Variants in ASB4 observed in about 807,000 individuals in gnomAD.
ASB4 encodes the protein ankyrin repeat and SOCS box protein 4.
Under a neutral mutation model 38.6 loss-of-function variants are expected in ASB4, and 35 were observed. The ratio of observed to expected loss-of-function variants is 0.91; its 90% CI spans 0.69 to 1.20. The LOEUF is 1.20. ASB4 is among the 50% of genes most tolerant of loss of function. ASB4 has a pLI of 0.00. For synonymous variants in ASB4, 195 were observed against 201.3 expected (o/e 0.97, Z 0.26); for missense variants, 557 against 527.2 (o/e 1.06, Z -0.55).
rs549653650 is a variant in ASB4 at position 95,540,204 on chromosome 7, A to G, written c.*2445A>G. On this transcript the variant is annotated 3_prime_UTR_variant, in exon 5 of 5. Transcript: ENST00000325885. Reference sequence around the variant, plus strand: ...TTATCTTTGAACTTTTATTTAGAGAACTTAAATAAAGCTCTTCTGTCTCCT... The same window carrying G: ...TTATCTTTGAACTTTTATTTAGAGAGCTTAAATAAAGCTCTTCTGTCTCCT... 1 of 152,296 alleles carries G rather than the reference A, an allele frequency of 6.6e-6. No homozygotes were observed. The highest frequency in any genetic ancestry group is 1.9e-4 in the East Asian group (1 of 5,180). The allele number at this position is 152,296 out of a possible 1,614,324, so 9.4% of individuals were successfully genotyped here.
intron 3 of ASB4, among the ~76,000 whole-genome samples, chr7:95,531,562 C>A (rs900030294): frequency 1.1e-4 from 17 of 152,134 alleles, no homozygotes; most frequent in African/African-American, 3.9e-4. Flanking sequence ...GCATGGTAAC[C>A]ATTAAACAAA....
rs1790086967 is a variant in ASB4 at position 95,486,127 on chromosome 7, T to C, written c.156T>C (p.Asp52=). Reference sequence around the variant, plus strand: ...TGGACACTGTTTTTGAAGTCGAAGATGAGAATATGGTTTTGGCATCTTATA... The same window carrying C: ...TGGACACTGTTTTTGAAGTCGAAGACGAGAATATGGTTTTGGCATCTTATA... ...IDVDTVFEVE[D]ENMVLASYKQ... Residue 52 remains aspartate (D), a synonymous_variant, in exon 1 of 5, where the codon GAT becomes GAC. Transcript: ENST00000325885. 1.9e-6 allele frequency: 3 copies of C among 1,613,940 alleles called. No homozygotes were observed. The highest frequency in any genetic ancestry group is 2.5e-6 in the Non-Finnish European group (3 of 1,179,944).
chr7:95,528,104 C>T lies in ASB4; in HGVS notation c.779C>T (p.Ala260Val), dbSNP rs747827455. 2 of 1,614,094 alleles carry T rather than the reference C, an allele frequency of 1.2e-6. No homozygotes were observed. The highest frequency in any genetic ancestry group is 2.7e-5 in the African/African-American group (2 of 74,942). Residue 260 changes from alanine to valine, a missense_variant, in exon 3 of 5, where the codon GCC becomes GTC. Ala to Val is a moderately conservative substitution (Grantham distance 64). Coordinates refer to ENST00000325885, the MANE Select transcript of ASB4 (RefSeq NM_016116.3). ...TTTAAATCTCCCCTCCACAAGGCAG[C>T]CTGGAACTGTGACCACGTGCTCATG... ...DDFKSPLHKA[A>V]WNCDHVLMHM... is the part of the protein sequence containing the mutation.
At chr7:95,511,067 T>G (rs1287156287) in intron 2 of ASB4, among the ~76,000 whole-genome samples, 1 of 151,864 alleles carries the variant, frequency 6.6e-6, no homozygotes, top group Non-Finnish European at 1.5e-5. Context: ...TTTTAGAAGG[T>G]TTTTCCATTA....
intron 2 of ASB4, 22 bp from the exon 3 acceptor site, chr7:95,527,791 C>A: frequency 6.4e-7 from 1 of 1,569,172 alleles, no homozygotes; most frequent in East Asian, 2.3e-5. Context: ...AAATAATTGT[C>A]TTCCTCAATT....
At chr7:95,515,177 C>CTT (rs1355823570) in intron 2 of ASB4, among the ~76,000 whole-genome samples, 1 of 90,912 alleles carries the variant, frequency 1.1e-5, no homozygotes, top group Non-Finnish European at 2.3e-5. Context: ...CTCTTTCTTT[C>CTT]TTTCTTTCTT....
intron 2 of ASB4, among the ~76,000 whole-genome samples, chr7:95,501,060 A>G (rs1183349028): frequency 1.3e-5 from 2 of 152,162 alleles, no homozygotes; most frequent in Admixed American, 6.5e-5. Flanking sequence ...TTAAACATGC[A>G]AGCTTTTTAT....
intron 2 of ASB4, among the ~76,000 whole-genome samples, chr7:95,525,456 T>C (rs1247084259): frequency 6.6e-6 from 1 of 152,020 alleles, no homozygotes; most frequent in Non-Finnish European, 1.5e-5. Context: ...ATATATTTCC[T>C]GGAAAAGTTA....
upstream of ASB4, among the ~76,000 whole-genome samples, chr7:95,484,100 G>A (rs572079674): frequency 1.3e-4 from 19 of 151,642 alleles, no homozygotes; most frequent in East Asian, 3.5e-3. Flanking sequence ...GGCTGAGGCA[G>A]GAGGTTCGCT....
intron 1 of ASB4, 108 bp from the exon 2 acceptor site, chr7:95,495,650 T>G: frequency 1.7e-6 from 2 of 1,186,964 alleles, no homozygotes; most frequent in African/African-American, 1.5e-5. Flanking sequence ...CCACCCCACT[T>G]TTATAAATGT....
chr7:95,488,236 G>A (rs1562808842), intron 1 of ASB4, among the ~76,000 whole-genome samples: 1 of 152,190 alleles, frequency 6.6e-6, no homozygotes, highest in Non-Finnish European at 1.5e-5. Flanking sequence ...AGCTACTCCC[G>A]AGGCTGAGAC....
chr7:95,547,423 C>T, the ASB4 span, among the ~76,000 whole-genome samples: 5 of 152,268 alleles, frequency 3.3e-5, no homozygotes, highest in South Asian at 1.0e-3. Flanking sequence ...GCTTCATTCT[C>T]GTAACATAAT....
At chr7:95,501,788 G>A (rs754093096) in intron 2 of ASB4, among the ~76,000 whole-genome samples, 17 of 152,120 alleles carry the variant, frequency 1.1e-4, no homozygotes, top group Non-Finnish European at 2.2e-4. Flanking sequence ...ACTACCTAGA[G>A]ATGAGAAGGA....
chr7:95,510,665 G>C (rs1228971649), intron 2 of ASB4, among the ~76,000 whole-genome samples: 1 of 152,162 alleles, frequency 6.6e-6, no homozygotes, highest in Non-Finnish European at 1.5e-5. Flanking sequence ...TGATTCCCAA[G>C]TGCTTCAGAG....
At chr7:95,535,185 A>G (rs1017313425) in intron 3 of ASB4, among the ~76,000 whole-genome samples, 3 of 152,218 alleles carry the variant, frequency 2.0e-5, no homozygotes, top group South Asian at 4.1e-4. Flanking sequence ...ACACTGAAAA[A>G]GGCAATGCTA....
At chr7:95,550,421 C>T in the ASB4 span, among the ~76,000 whole-genome samples, 4 of 152,148 alleles carry the variant, frequency 2.6e-5, no homozygotes, top group Non-Finnish European at 5.9e-5. Context: ...CAAGAATAGA[C>T]AAGCAAGGCT....
chr7:95,535,219 G>T (rs1790873899), intron 3 of ASB4, among the ~76,000 whole-genome samples: 1 of 152,208 alleles, frequency 6.6e-6, no homozygotes, highest in Non-Finnish European at 1.5e-5. Flanking sequence ...GAAGGTTGTC[G>T]AGCAACACAT....
At chr7:95,495,591 CG>C in intron 1 of ASB4, among the ~76,000 whole-genome samples, 166 bp from the exon 2 acceptor site, 1 of 152,114 alleles carries the variant, frequency 6.6e-6, no homozygotes, top group South Asian at 2.1e-4. Flanking sequence ...TTTAACAAAA[CG>C]CTTGCAGACC....
At chr7:95,511,268 A>T (rs1207264403) in intron 2 of ASB4, among the ~76,000 whole-genome samples, 1 of 152,116 alleles carries the variant, frequency 6.6e-6, no homozygotes, top group Non-Finnish European at 1.5e-5. Context: ...AGAGCCACCA[A>T]GAAGTGAACG....
Sources: gnomAD v4.1 joint callset for allele counts (sites outside exome capture counted in the v4.1 genomes callset) on GRCh38, gnomAD v4.1.1 for gene constraint, MANE v1.5 for transcripts, NCBI Gene and HGNC (gene_info 2026-07-23, HGNC 2026-07-21) for gene names.